The following PLA2G4E variants were observed in gnomAD, a reference collection of about 807,000 sequenced individuals.
The protein encoded by PLA2G4E is phospholipase A2 group IVE.
A neutral mutation model predicts 109.1 loss-of-function variants in PLA2G4E; 84 were observed. The observed-to-expected ratio is 0.77, with a 90% CI of 0.65 to 0.92. The LOEUF is 0.92. Ranked by LOEUF, PLA2G4E falls within the 40% of genes least tolerant of loss-of-function variation. PLA2G4E has a pLI of 0.00. For synonymous variants in PLA2G4E, 469 were observed against 436.1 expected, an observed-to-expected ratio of 1.08 and a Z score of -0.94; for missense variants, 1,057 against 1,076.6, an observed-to-expected ratio of 0.98 and a Z score of 0.25.
chr15:42,030,369 A>C (rs1889090752), intron 1 of PLA2G4E, among the ~76,000 whole-genome samples: 1 of 152,178 alleles, frequency 6.6e-6, no homozygotes, highest in Non-Finnish European at 1.5e-5. Context: ...GGTAGCCTGC[A>C]AAACGCCCCA....
intron 2 of PLA2G4E, chr15:42,010,235 A>G (rs9920802): frequency 0.37 from 178,552 of 480,296 alleles, 35,570 homozygotes; most frequent in South Asian, 0.57. Context: ...TCTGTAATGC[A>G]CTTGGCGCGC....
At chr15:42,007,660 G>A (rs1191354058) in intron 3 of PLA2G4E, 69 bp downstream of exon 3, 38 of 1,525,486 alleles carry the variant, frequency 2.5e-5, no homozygotes, top group Non-Finnish European at 3.3e-5. Context: ...GAGGCAAAGA[G>A]AAGGACAAGT....
At chr15:42,000,696 G>T (rs111295572) in intron 7 of PLA2G4E, among the ~76,000 whole-genome samples, 1,938 of 152,276 alleles carry the variant, frequency 0.013, 35 homozygotes, top group African/African-American at 0.043. Flanking sequence ...ACATGGGGTG[G>T]GGTGGGGAGT....
chr15:41,988,080 G>A (rs1335063879), exon 16 of PLA2G4E: 4 of 1,607,568 alleles, frequency 2.5e-6, no homozygotes, highest in East Asian at 2.2e-5. Flanking sequence ...TTGTCCACCT[G>A]TGGAAAAACT....
intron 2 of PLA2G4E, chr15:42,010,132 G>GCCCACC (rs1555386989): frequency 2.4e-6 from 1 of 417,170 alleles, no homozygotes; most frequent in Non-Finnish European, 4.7e-6. Context: ...CAGAACACTG[G>GCCCACC]CCCCCCCACC....
intron 16 of PLA2G4E, 75 bp from the exon 17 acceptor site, chr15:41,987,450 G>T: frequency 2.1e-6 from 3 of 1,426,286 alleles, no homozygotes; most frequent in South Asian, 2.4e-5. Flanking sequence ...AGCCCCACAT[G>T]GTTGCCTGGC....
chr15:41,990,096 G>T (rs1206558477), intron 14 of PLA2G4E, 25 bp downstream of exon 14: 1 of 1,594,568 alleles, frequency 6.3e-7, no homozygotes, highest in Admixed American at 1.7e-5. Context: ...CACCCCACTT[G>T]TAAATCACCA....
At chr15:41,984,578 G>A in exon 19 of PLA2G4E, 1 of 1,613,902 alleles carries the variant, frequency 6.2e-7, no homozygotes, top group East Asian at 2.2e-5. Flanking sequence ...TGGGGAAGGG[G>A]ATGTTCTGCA....
intron 14 of PLA2G4E, among the ~76,000 whole-genome samples, chr15:41,989,870 T>C (rs1566835619): frequency 1.3e-5 from 2 of 152,202 alleles, no homozygotes. Flanking sequence ...TATCTTCCTT[T>C]CACAACCTTT....
intron 2 of PLA2G4E, 124 bp from the exon 3 acceptor site, chr15:42,007,989 C>A: frequency 9.1e-7 from 1 of 1,100,398 alleles, no homozygotes. Flanking sequence ...TCTCCTCATT[C>A]ATGGGTCTAA....
intron 10 of PLA2G4E, 140 bp downstream of exon 10, chr15:41,999,381 AGAT>A (rs992276844): frequency 1.6e-6 from 1 of 629,170 alleles, no homozygotes; most frequent in African/African-American, 1.8e-5. Context: ...TCTCCAAAGA[AGAT>A]GATATGCCAG....
intron 1 of PLA2G4E, among the ~76,000 whole-genome samples, chr15:42,046,285 C>T (rs746380230): frequency 2.0e-5 from 3 of 152,204 alleles, no homozygotes; most frequent in South Asian, 2.1e-4. Flanking sequence ...CCATGGGCTC[C>T]CCCTGTCTTT....
In PLA2G4E at chr15:41,991,883, C is replaced by T. The variant is rs953450886; in HGVS notation, c.1470+854G>A. On this transcript the variant is annotated intron_variant, in intron 13 of 19. Coordinates refer to ENST00000399518, the Ensembl canonical transcript of PLA2G4E. ...AGGCAACAACAAAAGTTGTTAATCT[C>T]GGCTTGTGCAACCTAAAGGGCACAG... Among the ~76,000 whole-genome samples, 4 of 152,150 alleles carry T rather than the reference C, an allele frequency of 2.6e-5. 1 individual carries two copies. In the South Asian group the frequency reaches 6.2e-4, roughly 24 times the overall value.
chr15:42,001,173 C>T (rs1369295020), exon 7 of PLA2G4E: 2 of 1,613,584 alleles, frequency 1.2e-6, no homozygotes, highest in Admixed American at 3.3e-5. Context: ...CCCTCTTCCT[C>T]CGCCTCCTGG....
At position 41,995,347 on chromosome 15, in the gene PLA2G4E, C is replaced by T. The variant is rs2068320355; in HGVS notation, c.1247+13G>A. The T allele has an allele frequency of 6.2e-7, 1 of 1,610,372 alleles. No homozygotes were observed. Among genetic ancestry groups the T allele is most frequent in the Non-Finnish European group, 8.5e-7 (1 of 1,177,018 alleles). On this transcript the variant is annotated intron_variant, in intron 12 of 19. Transcript: ENST00000399518. ...GCCCTGGGCTCCACAGACAGTGGCT[C>T]ATGTCTCCTTACCAGGTGGCCCCTG...
intron 13 of PLA2G4E, among the ~76,000 whole-genome samples, chr15:41,990,525 G>C (rs2068226451): frequency 6.6e-6 from 1 of 152,090 alleles, no homozygotes. Context: ...AGCAGATAAA[G>C]AGGAAGGGGT....
chr15:41,994,538 G>GT (rs112529855), intron 12 of PLA2G4E, among the ~76,000 whole-genome samples: 22 of 151,966 alleles, frequency 1.4e-4, no homozygotes, highest in Admixed American at 7.9e-4. Context: ...TTTTATTTTT[G>GT]TTTTTTTTAA....
intron 1 of PLA2G4E, among the ~76,000 whole-genome samples, chr15:42,045,991 A>G (rs1889409672): frequency 6.6e-6 from 1 of 152,118 alleles, no homozygotes; most frequent in Admixed American, 6.5e-5. Context: ...CTCAGTTACT[A>G]AGGCAAAAAC....
intron 1 of PLA2G4E, among the ~76,000 whole-genome samples, chr15:42,019,632 G>T (rs2068629061): frequency 6.6e-6 from 1 of 152,214 alleles, no homozygotes; most frequent in South Asian, 2.1e-4. Context: ...CTAGCCAGGT[G>T]CTGTCTTCCA....
Sources: allele counts gnomAD v4.1 joint callset (sites outside exome capture counted in the v4.1 genomes callset), GRCh38; gene constraint gnomAD v4.1.1; transcripts MANE v1.5; gene names NCBI Gene and HGNC (gene_info 2026-07-23, HGNC 2026-07-21).